Variants in SIK2 observed in about 807,000 individuals in gnomAD.
SIK2 encodes the protein serine/threonine-protein kinase SIK2.
SIK2 carries 29 observed loss-of-function variants against 103.2 expected under a neutral mutation model. The observed-to-expected ratio is 0.28, with a 90% confidence interval of 0.21 to 0.38. SIK2 has a LOEUF of 0.38. SIK2 is among the 10% of genes least tolerant of loss of function. SIK2 has a pLI of 1.00. For missense variants in SIK2, 879 were observed against 1,171.0 expected (o/e 0.75, Z 3.64); for synonymous variants, 412 against 446.1 (o/e 0.92, Z 0.96).
At chr11:111,660,744 C>T (rs2135871004) in intron 3 of SIK2, among the ~76,000 whole-genome samples, 1 of 151,536 alleles carries the variant, frequency 6.6e-6, no homozygotes, top group Non-Finnish European at 1.5e-5. Context: ...GTTGCTTGGC[C>T]ACAATGACTG....
At chr11:111,648,360 G>C (rs1345545408) in intron 3 of SIK2, among the ~76,000 whole-genome samples, 1 of 152,020 alleles carries the variant, frequency 6.6e-6, no homozygotes, top group Admixed American at 6.6e-5. Flanking sequence ...AGGTGCCAAT[G>C]GTGTCTGGTA....
At chr11:111,636,073 G>A (rs944013823) in intron 3 of SIK2, among the ~76,000 whole-genome samples, 3 of 152,190 alleles carry the variant, frequency 2.0e-5, no homozygotes, top group Non-Finnish European at 4.4e-5. Context: ...TTCAGAAAAA[G>A]CTAATTCTTT....
chr11:111,706,909 G>A (rs746392584), intron 8 of SIK2, among the ~76,000 whole-genome samples: 151 of 146,712 alleles, frequency 1.0e-3, no homozygotes, highest in South Asian at 1.5e-3. Flanking sequence ...GAAGTGAGCC[G>A]AGATCCCGCC....
chr11:111,703,281 A>C lies in SIK2; in HGVS notation c.806A>C (p.Lys269Thr). 6.2e-7 allele frequency: 1 copy of C among 1,614,184 alleles called. No individual in the cohort carries two copies. Among genetic ancestry groups the C allele is most frequent in the Non-Finnish European group, 8.5e-7 (1 of 1,179,998 alleles). The stretch of plus-strand genomic sequence containing the variant: ...ACCATAGCCCAAATCAAGGAGCATA[A>C]ATGGATGCTCATAGAAGTTCCTGTC... ...RLTIAQIKEH[K>T]WMLIEVPVQR... is the part of the protein sequence containing the mutation. Residue 269 changes from lysine to threonine, a missense_variant, in exon 7 of 15, where the codon AAA (lysine) becomes ACA (threonine). By Grantham distance (78) the Lys-to-Thr change is moderately conservative. Coordinates refer to ENST00000304987, the MANE Select transcript of SIK2 (RefSeq NM_015191.3).
rs560948730 is a variant in SIK2 at position 111,639,128 on chromosome 11, GT to G, written c.316+18729del. Among the ~76,000 whole-genome samples, 303 of 152,296 alleles carry G rather than the reference GT, an allele frequency of 2.0e-3. 1 individual carries two copies. Among genetic ancestry groups the G allele is most frequent in the Non-Finnish European group, 1.9e-3 (129 of 68,034 alleles). ...ACAGTCTCCAGTTTGGCTGAAAGAA[GT>G]TTAAATGGTCCTCAGACCTATATGA... On this transcript the variant is annotated intron_variant, in intron 3 of 14. Transcript: ENST00000304987.
intron 3 of SIK2, among the ~76,000 whole-genome samples, chr11:111,684,278 A>G (rs990699749): frequency 1.3e-5 from 2 of 152,102 alleles, no homozygotes; most frequent in African/African-American, 2.4e-5. Context: ...TATAGATTCC[A>G]TTGTGCTTCC....
chr11:111,676,018 GTTT>G (rs533762078), intron 3 of SIK2, among the ~76,000 whole-genome samples: 4 of 152,090 alleles, frequency 2.6e-5, no homozygotes, highest in African/African-American at 9.7e-5. Context: ...GCAGTTTTTG[GTTT>G]TCTGTTTCTG....
intron 4 of SIK2, among the ~76,000 whole-genome samples, chr11:111,693,023 G>A (rs1942983831): frequency 6.6e-6 from 1 of 152,074 alleles, no homozygotes; most frequent in African/African-American, 2.4e-5. Flanking sequence ...TCCAGGTTTT[G>A]TTTTCCCCGT....
intron 4 of SIK2, among the ~76,000 whole-genome samples, chr11:111,699,476 G>A (rs1943159804): frequency 6.6e-6 from 1 of 152,066 alleles, no homozygotes; most frequent in Non-Finnish European, 1.5e-5. Flanking sequence ...CATCCTATCT[G>A]GGTAGGTGGA....
rs927849584 is a variant in SIK2 at position 111,729,131 on chromosome 11, C to CTT, written c.*5003_*5004dup. The CTT allele has an allele frequency of 9.8e-5, 15 of 152,342 alleles. No homozygotes were observed. The highest frequency in any genetic ancestry group is 3.6e-4 in the African/African-American group (15 of 41,550). The allele number at this position is 152,342 out of a possible 1,614,324, so 9.4% of individuals were successfully genotyped here. ...TCACCTTCCAGTAGCCTCTCACATT[C>CTT]TTATTTTACCATTTTTGTCCTAATT... On this transcript the variant is annotated 3_prime_UTR_variant, in exon 15 of 15. Coordinates refer to ENST00000304987, the MANE Select transcript of SIK2 (RefSeq NM_015191.3).
chr11:111,679,890 C>T (rs927205911), intron 3 of SIK2, among the ~76,000 whole-genome samples: 5 of 151,964 alleles, frequency 3.3e-5, no homozygotes, highest in African/African-American at 9.7e-5. Context: ...TTTGGGAGGC[C>T]GAGGTGGGCG....
intron 8 of SIK2, among the ~76,000 whole-genome samples, chr11:111,709,814 C>T (rs1943448891): frequency 6.6e-6 from 1 of 152,188 alleles, no homozygotes; most frequent in African/African-American, 2.4e-5. Context: ...TCTGTTATTC[C>T]TCTAACCGAG....
chr11:111,705,078 A>T lies in SIK2; in HGVS notation c.1040A>T (p.Glu347Val). 6.2e-7 allele frequency: 1 copy of T among 1,607,188 alleles called. No homozygotes were observed. The highest frequency in any genetic ancestry group is 8.5e-7 in the Non-Finnish European group (1 of 1,178,034). ...LKSHRSSFPVEQRLDGRQRRP... is the reference protein window; with the variant it reads ...LKSHRSSFPVVQRLDGRQRRP... Reference sequence around the variant, plus strand: ...TCACATCGGAGCAGTTTCCCAGTGGAGCAGAGACTTGATGGCCGCCAGCGT... The same window carrying T: ...TCACATCGGAGCAGTTTCCCAGTGGTGCAGAGACTTGATGGCCGCCAGCGT... Residue 347 changes from glutamate to valine, a missense_variant, in exon 8 of 15, where the codon GAG becomes GTG. Glu to Val is a moderately radical substitution (Grantham distance 121, BLOSUM62 -2). This residue lies in a region of SIK2 where 99 missense variants were observed against 153.9 expected (regional missense o/e 0.64). Coordinates refer to ENST00000304987, the MANE Select transcript of SIK2 (RefSeq NM_015191.3). The surrounding 1 kb of genome is among the most constrained non-coding windows in gnomAD (Gnocchi z 4.3).
At position 111,637,488 on chromosome 11, in the gene SIK2, C is replaced by T. The variant is rs543990870; in HGVS notation, c.316+17086C>T. On this transcript the variant is annotated intron_variant, in intron 3 of 14. Coordinates refer to ENST00000304987, the MANE Select transcript of SIK2 (RefSeq NM_015191.3). ...TTTTTTTTTTTTTTTGAGAAGGAGT[C>T]TCCCTCGGTCACCCAGGCTGGAGTG... 1.2e-4 allele frequency among the ~76,000 whole-genome samples: 15 copies of T among 130,000 alleles called. No individual in the cohort carries two copies. The East Asian group carries it at 3.1e-3, about 27-fold the overall frequency. The allele number at this position is 130,000 out of a possible 152,430, so 85.3% of individuals were successfully genotyped here.
chr11:111,658,595 T>C (rs1942425987), intron 3 of SIK2, among the ~76,000 whole-genome samples: 1 of 152,000 alleles, frequency 6.6e-6, no homozygotes, highest in Non-Finnish European at 1.5e-5. Context: ...ACACAAAAAT[T>C]AGCCAGGCAC....
At chr11:111,719,692 A>C in intron 9 of SIK2, 83 bp from the exon 10 acceptor site, 1 of 1,365,964 alleles carries the variant, frequency 7.3e-7, no homozygotes, top group Non-Finnish European at 1.0e-6. Context: ...CTAGTTCGCC[A>C]CAAGTCTTGA....
chr11:111,726,828 T>A lies in SIK2; in HGVS notation c.*2699T>A, dbSNP rs1351183505. On this transcript the variant is annotated 3_prime_UTR_variant, in exon 15 of 15. Coordinates refer to ENST00000304987, the MANE Select transcript of SIK2 (RefSeq NM_015191.3). ...CAGTGTGTACACTACTGTATCATCA[T>A]CAGCTTCATCACCCTGTAAACCAGG... 5.4e-5 allele frequency: 40 copies of A among 735,800 alleles called. No individual in the cohort carries two copies. The Admixed American group carries it at 8.3e-4, about 15-fold the overall frequency. 45.6% of individuals were successfully genotyped at this position (735,800 alleles called of 1,614,324 possible). A position where few individuals can be genotyped will look rare whatever the true frequency, so the allele number is the denominator to read the frequency against.
intron 3 of SIK2, among the ~76,000 whole-genome samples, chr11:111,639,374 A>G (rs1267432214): frequency 2.0e-5 from 3 of 151,984 alleles, no homozygotes; most frequent in Admixed American, 6.6e-5. Flanking sequence ...TGTCTCCTTT[A>G]CTCAGGAAAA....
At chr11:111,648,608 A>G (rs1383167563) in intron 3 of SIK2, among the ~76,000 whole-genome samples, 1 of 151,992 alleles carries the variant, frequency 6.6e-6, no homozygotes, top group Non-Finnish European at 1.5e-5. Context: ...ATTGATATAT[A>G]CTGTAAATAT....
Sources: allele counts gnomAD v4.1 joint callset (sites outside exome capture counted in the v4.1 genomes callset), GRCh38; gene constraint gnomAD v4.1.1; regional missense constraint gnomAD v4.1.1; non-coding constraint Gnocchi (gnomAD v3.1); transcripts MANE v1.5; gene names NCBI Gene and HGNC (gene_info 2026-07-23, HGNC 2026-07-21).